Variants in UBTD1 observed in about 807,000 individuals in gnomAD.
The protein encoded by UBTD1 is ubiquitin domain containing 1.
Under a neutral mutation model 21.7 loss-of-function variants are expected in UBTD1, and 19 were observed. The observed-to-expected ratio is 0.87, with a 90% CI of 0.61 to 1.28. The LOEUF is 1.28. Ranked by LOEUF, UBTD1 falls within the 50% of genes most tolerant of loss-of-function variation. The pLI is 0.00. For missense variants in UBTD1, 282 were observed against 315.1 expected, an observed-to-expected ratio of 0.89 and a Z score of 0.80; for synonymous variants, 116 against 135.1, an observed-to-expected ratio of 0.86 and a Z score of 0.98.
chr10:97,529,080 C>G (rs919999521), intron 1 of UBTD1, among the ~76,000 whole-genome samples: 15 of 151,842 alleles, frequency 9.9e-5, no homozygotes, highest in African/African-American at 2.9e-4. Context: ...TCCTCACCTC[C>G]CAGACAGGGT....
At chr10:97,531,344 G>C (rs113809581) in intron 1 of UBTD1, among the ~76,000 whole-genome samples, 14 of 152,074 alleles carry the variant, frequency 9.2e-5, no homozygotes, top group African/African-American at 3.4e-4. Context: ...CTGAGCAGCT[G>C]GGATTACAGG....
chr10:97,557,524 A>G (rs549653635), intron 1 of UBTD1, among the ~76,000 whole-genome samples: 2 of 152,290 alleles, frequency 1.3e-5, no homozygotes, highest in African/African-American at 4.8e-5. Flanking sequence ...CACATCTCAC[A>G]TAAATATGAT....
chr10:97,521,450 G>A (rs781084586), intron 1 of UBTD1, among the ~76,000 whole-genome samples: 7 of 152,336 alleles, frequency 4.6e-5, no homozygotes, highest in Non-Finnish European at 7.4e-5. Flanking sequence ...TGAGAGCCCA[G>A]CCTCCAGGGG....
At chr10:97,520,300 G>A (rs866440105) in intron 1 of UBTD1, among the ~76,000 whole-genome samples, 6 of 152,148 alleles carry the variant, frequency 3.9e-5, no homozygotes, top group Admixed American at 1.3e-4. Context: ...TGGCTTTGTC[G>A]AAATGAAAGT....
In UBTD1 at chr10:97,526,726, C is replaced by T. The variant is rs187806130; in HGVS notation, c.70+27453C>T. On this transcript the variant is annotated intron_variant, in intron 1 of 2. Transcript: ENST00000370664. ...GTCAGCCGGGCATGGTGGCATGCACCGGTAGTCCCAGCTACTTGGGAGGCT... is the reference window on the plus strand; with the variant it reads ...GTCAGCCGGGCATGGTGGCATGCACTGGTAGTCCCAGCTACTTGGGAGGCT... Among the ~76,000 whole-genome samples, 361 of 151,956 alleles carry T rather than the reference C, an allele frequency of 2.4e-3. No homozygotes were observed. The Middle Eastern group carries it at 0.024, about 10-fold the overall frequency.
At chr10:97,527,151 C>A (rs1358888624) in intron 1 of UBTD1, among the ~76,000 whole-genome samples, 1 of 86,546 alleles carries the variant, frequency 1.2e-5, no homozygotes. Context: ...GCCTAGGCAA[C>A]AAAGCGAAAC....
At chr10:97,550,266 C>T (rs146121748) in intron 1 of UBTD1, among the ~76,000 whole-genome samples, 10 of 152,294 alleles carry the variant, frequency 6.6e-5, no homozygotes, top group Non-Finnish European at 7.4e-5. Flanking sequence ...ACTTGGTAAC[C>T]GAGTGTGGAA....
At chr10:97,502,875 GTATA>G (rs1216084709) in intron 1 of UBTD1, among the ~76,000 whole-genome samples, 7 of 138,758 alleles carry the variant, frequency 5.0e-5, no homozygotes, top group Non-Finnish European at 9.2e-5. Context: ...ACGTATATAT[GTATA>G]TATATACGTA....
intron 1 of UBTD1, among the ~76,000 whole-genome samples, chr10:97,559,050 A>C (rs2040679003): frequency 6.6e-6 from 1 of 152,202 alleles, no homozygotes; most frequent in African/African-American, 2.4e-5. Flanking sequence ...AAGCTCTTGA[A>C]AATTCTTAAG....
chr10:97,521,960 T>G (rs1448258772), intron 1 of UBTD1, among the ~76,000 whole-genome samples: 1 of 152,254 alleles, frequency 6.6e-6, no homozygotes, highest in Non-Finnish European at 1.5e-5. Flanking sequence ...ACTGACTTTC[T>G]GTGGCCATAT....
intron 1 of UBTD1, among the ~76,000 whole-genome samples, chr10:97,517,070 G>A (rs1172537110): frequency 3.9e-5 from 6 of 152,198 alleles, no homozygotes; most frequent in African/African-American, 1.4e-4. Context: ...GAGTAGGGCA[G>A]GATAGAAGAC....
chr10:97,567,845 G>A lies in UBTD1; in HGVS notation c.71-69G>A, dbSNP rs1374146971. On this transcript the variant is annotated intron_variant, in intron 1 of 2. Transcript: ENST00000370664. The stretch of plus-strand genomic sequence containing the variant: ...CAGGGTCTGGCCTGGGGAGGGGAGG[G>A]GAGGGGGAGGGCAGGTTGCAGCTCA... 5 of 1,484,682 alleles carry A rather than the reference G, an allele frequency of 3.4e-6. No homozygotes were observed. In the East Asian group the frequency reaches 9.6e-5, roughly 29 times the overall value. The allele number at this position is 1,484,682 out of a possible 1,614,324, so 92.0% of individuals were successfully genotyped here. A position where few individuals can be genotyped will look rare whatever the true frequency, so the allele number is the denominator to read the frequency against.
At chr10:97,507,238 A>G (rs1245648329) in intron 1 of UBTD1, among the ~76,000 whole-genome samples, 1 of 152,222 alleles carries the variant, frequency 6.6e-6, no homozygotes, top group Non-Finnish European at 1.5e-5. Context: ...TATAATAGCC[A>G]TCCTAATGAG....
chr10:97,554,603 T>G (rs1398158700), intron 1 of UBTD1, among the ~76,000 whole-genome samples: 2 of 152,090 alleles, frequency 1.3e-5, no homozygotes, highest in East Asian at 3.9e-4. Flanking sequence ...CAGGCTGGGG[T>G]GCAGTGGTGC....
intron 1 of UBTD1, among the ~76,000 whole-genome samples, chr10:97,546,070 C>G (rs1462445005): frequency 1.3e-5 from 2 of 152,196 alleles, no homozygotes; most frequent in African/African-American, 4.8e-5. Flanking sequence ...CAGGCGTGAG[C>G]CACCACACCC....
At chr10:97,562,733 AG>A (rs2040698659) in intron 1 of UBTD1, among the ~76,000 whole-genome samples, 1 of 152,214 alleles carries the variant, frequency 6.6e-6, no homozygotes, top group East Asian at 1.9e-4. Context: ...CAGTTAAGGC[AG>A]GAACTGGGCT....
At chr10:97,528,715 G>A (rs1589873222) in intron 1 of UBTD1, among the ~76,000 whole-genome samples, 1 of 54,450 alleles carries the variant, frequency 1.8e-5, no homozygotes, top group African/African-American at 7.0e-5. Flanking sequence ...CTGGCCGGGC[G>A]GGGGGCTGAC....
At chr10:97,561,372 A>G (rs2040691979) in intron 1 of UBTD1, among the ~76,000 whole-genome samples, 1 of 152,112 alleles carries the variant, frequency 6.6e-6, no homozygotes, top group Non-Finnish European at 1.5e-5. Context: ...ACCGAGTTGT[A>G]GAAGGAAGGG....
intron 1 of UBTD1, among the ~76,000 whole-genome samples, chr10:97,539,575 A>G (rs1323648157): frequency 3.9e-5 from 6 of 151,932 alleles, no homozygotes; most frequent in Non-Finnish European, 8.8e-5. Context: ...AGCCTGGGTG[A>G]CAGAGAGAGG....
Sources: gnomAD v4.1 joint callset for allele counts (sites outside exome capture counted in the v4.1 genomes callset) on GRCh38, gnomAD v4.1.1 for gene constraint, MANE v1.5 for transcripts, NCBI Gene and HGNC (gene_info 2026-07-23, HGNC 2026-07-21) for gene names.